Variants in HMOX2 observed in about 807,000 individuals in gnomAD.
The protein encoded by HMOX2 is heme oxygenase (decycling) 2.
In HMOX2, 30 loss-of-function variants were observed where a neutral mutation model predicts 33.7. That is an observed-to-expected ratio of 0.89 (90% CI 0.67 to 1.21). The LOEUF is 1.21. Among genes scored for constraint, HMOX2 ranks in the 50% most tolerant of loss-of-function variants. HMOX2 has a pLI of 0.00. For synonymous variants in HMOX2, 155 were observed against 155.0 expected, an observed-to-expected ratio of 1.00 and a Z score of 0.00; for missense variants, 403 against 399.1, an observed-to-expected ratio of 1.01 and a Z score of -0.08.
chr16:4,502,690 C>T (rs549854706), intron 1 of HMOX2: 1 of 152,310 alleles, frequency 6.6e-6, no homozygotes, highest in Non-Finnish European at 1.5e-5. Context: ...CAAGGGTGTA[C>T]AGCAAAGCTG....
intron 2 of HMOX2, among the ~76,000 whole-genome samples, chr16:4,506,305 T>C (rs542773057): frequency 5.3e-5 from 8 of 152,250 alleles, no homozygotes; most frequent in Non-Finnish European, 8.8e-5. Context: ...CCTTTACAAC[T>C]GTGTAATTTC....
chr16:4,505,189 T>C lies in HMOX2; in HGVS notation c.-41-295T>C, dbSNP rs568372716. Reference sequence around the variant, plus strand: ...GTACCTTTACTTCTGAATACCCCAGTGTGTATTTCTTAGGAACAAAGACAT... The same window carrying C: ...GTACCTTTACTTCTGAATACCCCAGCGTGTATTTCTTAGGAACAAAGACAT... On this transcript the variant is annotated intron_variant, in intron 1 of 5. Coordinates refer to ENST00000570646, the MANE Select transcript of HMOX2 (RefSeq NM_002134.4). Among the ~76,000 whole-genome samples, 280 of 152,296 alleles carry C rather than the reference T, an allele frequency of 1.8e-3. 1 individual carries two copies. Among genetic ancestry groups the C allele is most frequent in the African/African-American group, 6.6e-3 (274 of 41,562 alleles).
intron 1 of HMOX2, among the ~76,000 whole-genome samples, chr16:4,503,593 T>A (rs2058613735): frequency 6.6e-6 from 1 of 152,250 alleles, no homozygotes; most frequent in African/African-American, 2.4e-5. Flanking sequence ...GATGTAACAT[T>A]CATTGAGTGC....
Position 4,507,013 on chromosome 16 carries a change from G to C in HMOX2, c.204+1G>C. 6.3e-7 allele frequency: 1 copy of C among 1,591,978 alleles called. No individual in the cohort carries two copies. The highest frequency in any genetic ancestry group is 8.6e-7 in the Non-Finnish European group (1 of 1,159,856). On this transcript the variant is annotated splice_donor_variant, in intron 3 of 5. Coordinates refer to ENST00000570646, the MANE Select transcript of HMOX2 (RefSeq NM_002134.4). LOFTEE classifies it high-confidence loss of function. ...CAACATTAAGAAGGAGCTGTTTAAG[G>C]TTTGTGCCCCGCATTGGGTTCCAGA...
At chr16:4,496,899 G>GT (rs1259976267) in intron 1 of HMOX2, 3 of 150,020 alleles carry the variant, frequency 2.0e-5, no homozygotes, top group Non-Finnish European at 4.4e-5. Context: ...GTCTCACTAT[G>GT]TTTCCTAGGC....
intron 1 of HMOX2, among the ~76,000 whole-genome samples, chr16:4,487,892 G>A (rs4786505): frequency 0.54 from 81,049 of 149,352 alleles, 25,301 homozygotes; most frequent in Non-Finnish European, 0.7. Flanking sequence ...CGGAGGTTGC[G>A]GCGAGGGGAG....
In HMOX2 at chr16:4,508,145, A is replaced by T; in HGVS notation, c.637A>T (p.Met213Leu). ...RARMNALDLN[M>L]KTKERIVEEA... The stretch of plus-strand genomic sequence containing the variant: ...CAGGATGAACGCCCTGGACCTGAAC[A>T]TGAAGACCAAAGAGAGGATCGTGGA... Residue 213 changes from methionine (M) to leucine (L), a missense_variant, in exon 4 of 6, where the codon ATG (methionine) becomes TTG (leucine). Met to Leu is a conservative substitution (Grantham distance 15). Transcript: ENST00000570646. 1 of 1,614,050 alleles carries T rather than the reference A, an allele frequency of 6.2e-7. No individual in the cohort carries two copies. The highest frequency in any genetic ancestry group is 8.5e-7 in the Non-Finnish European group (1 of 1,179,966).
chr16:4,495,629 C>T (rs1187842037), intron 1 of HMOX2: 1 of 152,192 alleles, frequency 6.6e-6, no homozygotes, highest in Non-Finnish European at 1.5e-5. Flanking sequence ...ACTAATTTTA[C>T]AGGAAGTTTA....
chr16:4,486,713 A>G (rs76909737), intron 1 of HMOX2, among the ~76,000 whole-genome samples: 44 of 152,308 alleles, frequency 2.9e-4, no homozygotes, highest in African/African-American at 1.1e-3. Flanking sequence ...CAGGCCTAAG[A>G]TAAGAGACCG....
intron 1 of HMOX2, among the ~76,000 whole-genome samples, chr16:4,493,946 T>G (rs1265044700): frequency 1.3e-5 from 2 of 152,186 alleles, no homozygotes; most frequent in African/African-American, 2.4e-5. Flanking sequence ...ATTTATACAG[T>G]TAGTGAGTTA....
intron 1 of HMOX2, among the ~76,000 whole-genome samples, chr16:4,503,258 A>G (rs1044455081): frequency 1.3e-5 from 2 of 152,064 alleles, no homozygotes; most frequent in Admixed American, 6.6e-5. Context: ...GCCTTATGCT[A>G]TCTCTGTGAA....
intron 1 of HMOX2, among the ~76,000 whole-genome samples, chr16:4,477,191 T>C (rs1403935330): frequency 6.6e-6 from 1 of 152,080 alleles, no homozygotes; most frequent in East Asian, 1.9e-4. Flanking sequence ...GAGGCCTGCC[T>C]GTGTCATGCC....
chr16:4,491,856 G>A (rs2058314530), intron 1 of HMOX2, among the ~76,000 whole-genome samples: 1 of 151,894 alleles, frequency 6.6e-6, no homozygotes, highest in African/African-American at 2.4e-5. Context: ...GCTAGTTTTT[G>A]TATTTTTAGT....
In HMOX2 at chr16:4,503,750, C is replaced by T. The variant is rs17881667; in HGVS notation, c.-41-1734C>T. On this transcript the variant is annotated intron_variant, in intron 1 of 5. Transcript: ENST00000570646. ...TGTACTATAATATCCTAAAAGATAA[C>T]AAAAATGTAACTAGGTATCTAGAGA... Among the ~76,000 whole-genome samples the T allele has an allele frequency of 2.8e-3, 423 of 152,296 alleles. 3 individuals are homozygous for T. The highest frequency in any genetic ancestry group is 9.6e-3 in the African/African-American group (399 of 41,560).
intron 1 of HMOX2, among the ~76,000 whole-genome samples, chr16:4,503,475 C>T (rs1166572572): frequency 6.6e-6 from 1 of 152,172 alleles, no homozygotes; most frequent in Non-Finnish European, 1.5e-5. Context: ...AGTAGAGTGT[C>T]TCTGATTTGG....
At position 4,509,282 on chromosome 16, in the gene HMOX2, G is replaced by A. The variant is rs970141734; in HGVS notation, c.697-130G>A. ...TTGAGCCTAGGAGTTTGAGGCTGCAGTGAGTTAGCCATGTTCATAACACTG... is the reference window on the plus strand; with the variant it reads ...TTGAGCCTAGGAGTTTGAGGCTGCAATGAGTTAGCCATGTTCATAACACTG... On this transcript the variant is annotated intron_variant, in intron 4 of 5. Transcript: ENST00000570646. The A allele has an allele frequency of 3.3e-6, 4 of 1,194,938 alleles. No individual in the cohort carries two copies. In the African/African-American group the frequency reaches 6.1e-5, roughly 18 times the overall value. 74.0% of individuals were successfully genotyped at this position (1,194,938 alleles called of 1,614,324 possible).
chr16:4,492,272 T>C (rs2141561156), intron 1 of HMOX2, among the ~76,000 whole-genome samples: 1 of 152,002 alleles, frequency 6.6e-6, no homozygotes, highest in South Asian at 2.1e-4. Flanking sequence ...AGGTAGAGAC[T>C]GCAGTGAGCT....
At chr16:4,493,157 C>T (rs1405141520) in intron 1 of HMOX2, among the ~76,000 whole-genome samples, 1 of 152,120 alleles carries the variant, frequency 6.6e-6, no homozygotes, top group Admixed American at 6.6e-5. Flanking sequence ...CCTAAGCCTC[C>T]TAAGTGGATG....
intron 1 of HMOX2, 102 bp downstream of exon 1, chr16:4,476,589 G>T (rs1357809731): frequency 6.6e-6 from 1 of 152,302 alleles, no homozygotes; most frequent in Non-Finnish European, 1.5e-5. Flanking sequence ...TCGGACCTGG[G>T]CTTGGCCGGG....
Sources: gnomAD v4.1 joint callset for allele counts (sites outside exome capture counted in the v4.1 genomes callset) on GRCh38, gnomAD v4.1.1 for gene constraint, MANE v1.5 for transcripts, NCBI Gene and HGNC (gene_info 2026-07-23, HGNC 2026-07-21) for gene names.